The following ANO5 variants were observed in gnomAD, a reference collection of about 807,000 sequenced individuals.
The protein encoded by ANO5 is anoctamin-5.
ANO5 carries 109 observed loss-of-function variants against 121.0 expected under a neutral mutation model. The ratio of observed to expected loss-of-function variants is 0.90; its 90% CI spans 0.77 to 1.06. The LOEUF is 1.06. Ranked by LOEUF, ANO5 falls within the 50% of genes least tolerant of loss-of-function variation. The pLI, the probability that ANO5 is intolerant of heterozygous loss-of-function variation, is 0.00. For missense variants in ANO5, 1,064 were observed against 1,078.5 expected, an observed-to-expected ratio of 0.99 and a Z score of 0.19; for synonymous variants, 406 against 359.9, an observed-to-expected ratio of 1.13 and a Z score of -1.45.
intron 19 of ANO5, among the ~76,000 whole-genome samples, chr11:22,274,248 TA>T (rs1259173344): frequency 6.6e-6 from 1 of 151,708 alleles, no homozygotes; most frequent in Non-Finnish European, 1.5e-5. Flanking sequence ...TTAAAGATAG[TA>T]GAACTGTGCT....
intron 1 of ANO5, among the ~76,000 whole-genome samples, chr11:22,199,453 AAAG>A (rs1452676423): frequency 2.0e-5 from 3 of 152,116 alleles, no homozygotes; most frequent in Non-Finnish European, 4.4e-5. Flanking sequence ...TTCTATTAGC[AAAG>A]AAGGAGGAGG....
At chr11:22,253,644 G>T (rs1181075778) in intron 12 of ANO5, among the ~76,000 whole-genome samples, 1 of 152,162 alleles carries the variant, frequency 6.6e-6, no homozygotes, top group Non-Finnish European at 1.5e-5. Context: ...TAGAGTAGAA[G>T]TTTCTGCCTT....
At chr11:22,214,138 C>G (rs1211516133) in intron 3 of ANO5, among the ~76,000 whole-genome samples, 1 of 151,936 alleles carries the variant, frequency 6.6e-6, no homozygotes, top group Non-Finnish European at 1.5e-5. Flanking sequence ...TTTCTGGGCT[C>G]AAGCAGTCCT....
At chr11:22,272,188 T>TTGAG (rs796131625) in intron 18 of ANO5, among the ~76,000 whole-genome samples, 12 of 152,148 alleles carry the variant, frequency 7.9e-5, no homozygotes, top group African/African-American at 2.9e-4. Context: ...TGGTCCTCTG[T>TTGAG]TGAGTCTTAA....
At position 22,270,354 on chromosome 11, in the gene ANO5, C is replaced by T. The variant is rs376185744; in HGVS notation, c.1941C>T (p.Asn647=). Residue 647 remains asparagine, a synonymous_variant, in exon 18 of 22, where the codon AAC becomes AAT. Coordinates refer to ENST00000324559, the MANE Select transcript of ANO5 (RefSeq NM_213599.3). ...GGAGACGCCGAAAAGCTCGGACAAA[C>T]TCTGAGAAGCTGTATAGTCGATGGG... ...NWWRRRKART[N]SEKLYSRWEQ... 1.9e-6 allele frequency: 3 copies of T among 1,614,144 alleles called. No individual in the cohort carries two copies. Among genetic ancestry groups the T allele is most frequent in the Non-Finnish European group, 2.5e-6 (3 of 1,180,016 alleles).
intron 2 of ANO5, among the ~76,000 whole-genome samples, chr11:22,206,096 A>T (rs1412427844): frequency 6.6e-6 from 1 of 152,124 alleles, no homozygotes; most frequent in African/African-American, 2.4e-5. Flanking sequence ...AGAAAAACAG[A>T]TGCTTCTCAA....
intron 12 of ANO5, among the ~76,000 whole-genome samples, chr11:22,252,765 A>T (rs1271720048): frequency 6.6e-6 from 1 of 151,974 alleles, no homozygotes; most frequent in African/African-American, 2.4e-5. Context: ...ATAATGTAAG[A>T]TGTTCACCTA....
At chr11:22,269,087 CGGAA>C (rs1472198681) in intron 17 of ANO5, among the ~76,000 whole-genome samples, 1 of 125,970 alleles carries the variant, frequency 7.9e-6, no homozygotes, top group Admixed American at 9.6e-5. Context: ...GAAGGAAGGA[CGGAA>C]GGAAGCAAGG....
intron 9 of ANO5, among the ~76,000 whole-genome samples, chr11:22,242,802 T>C (rs896047356): frequency 3.3e-5 from 5 of 151,930 alleles, no homozygotes; most frequent in Non-Finnish European, 5.9e-5. Context: ...AGACTTTTGG[T>C]GGAGTCTTTA....
rs549244658 is a variant in ANO5 at position 22,252,195 on chromosome 11, G to T, written c.1180+1184G>T. Among the ~76,000 whole-genome samples the T allele has an allele frequency of 1.2e-4, 18 of 152,164 alleles. No homozygotes were observed. The South Asian group carries it at 3.7e-3, about 32-fold the overall frequency. Reference sequence around the variant, plus strand: ...AGAGAGCAGCCTAGATTCAAAGAAAGAATAAAGAATCTAGAAATCTTATTA... The same window carrying T: ...AGAGAGCAGCCTAGATTCAAAGAAATAATAAAGAATCTAGAAATCTTATTA... On this transcript the variant is annotated intron_variant, in intron 12 of 21. Transcript: ENST00000324559.
intron 17 of ANO5, among the ~76,000 whole-genome samples, chr11:22,265,518 G>C (rs746829858): frequency 1.3e-5 from 2 of 152,076 alleles, no homozygotes; most frequent in African/African-American, 4.8e-5. Context: ...GGTTAGCACA[G>C]AATTTGTTAG....
In ANO5 at chr11:22,262,265, C is replaced by T. The variant is rs188150039; in HGVS notation, c.1767C>T (p.Tyr589=). The T allele has an allele frequency of 4.3e-6, 7 of 1,613,756 alleles. No homozygotes were observed. Among genetic ancestry groups the T allele is most frequent in the Non-Finnish European group, 5.9e-6 (7 of 1,179,906 alleles). The change falls in exon 16 of 22, where the codon TAC becomes TAT. Residue 589 remains tyrosine, a synonymous_variant. Coordinates refer to ENST00000324559, the MANE Select transcript of ANO5 (RefSeq NM_213599.3). ...AGTTCGTAGGCTATCCTGGAAAATA[C>T]ACATATTTATTTAATGAGTGGAGAA... ...KGKFVGYPGK[Y]TYLFNEWRSE...
chr11:22,256,559 G>A (rs568912276), intron 13 of ANO5, among the ~76,000 whole-genome samples: 57 of 152,016 alleles, frequency 3.7e-4, no homozygotes, highest in African/African-American at 1.3e-3. Context: ...CCTATTTCAC[G>A]AAATAAAAAA....
At chr11:22,265,551 G>A (rs1854329756) in intron 17 of ANO5, among the ~76,000 whole-genome samples, 1 of 152,020 alleles carries the variant, frequency 6.6e-6, no homozygotes, top group African/African-American at 2.4e-5. Flanking sequence ...GAAATTATTT[G>A]GTAGACTCTA....
At chr11:22,246,954 C>T (rs1200797100) in intron 9 of ANO5, among the ~76,000 whole-genome samples, 1 of 150,262 alleles carries the variant, frequency 6.7e-6, no homozygotes, top group Non-Finnish European at 1.5e-5. Context: ...CTTTATTAAG[C>T]ATCACTACAT....
intron 1 of ANO5, 63 bp from the exon 2 acceptor site, chr11:22,203,741 C>A (rs1209004570): frequency 5.7e-6 from 6 of 1,050,746 alleles, no homozygotes; most frequent in Non-Finnish European, 8.6e-6. Flanking sequence ...CTTACACAGA[C>A]TTTTGAATAT....
chr11:22,227,385 C>A lies in ANO5; in HGVS notation c.447C>A (p.Ile149=). The A allele has an allele frequency of 6.2e-7, 1 of 1,613,422 alleles. No homozygotes were observed. Among genetic ancestry groups the A allele is most frequent in the South Asian group, 1.1e-5 (1 of 91,052 alleles). The change falls in exon 7 of 22, where the codon ATC becomes ATA. Residue 149 remains isoleucine (I), a synonymous_variant. Coordinates refer to ENST00000324559, the MANE Select transcript of ANO5 (RefSeq NM_213599.3). ...TTACCTATGCTGAAGTCTTGGGAAT[C>A]AAAATGCCTATTAAGGAGAGTGATA... ...VLVTYAEVLG[I]KMPIKESDIP... is the part of the protein sequence containing the mutation.
chr11:22,208,330 A>T (rs904104457), intron 2 of ANO5, among the ~76,000 whole-genome samples: 1 of 152,076 alleles, frequency 6.6e-6, no homozygotes, highest in African/African-American at 2.4e-5. Context: ...CAGCCTTATC[A>T]TGTAAAACTA....
chr11:22,230,729 C>A (rs1437018426), intron 7 of ANO5, among the ~76,000 whole-genome samples: 1 of 151,844 alleles, frequency 6.6e-6, no homozygotes, highest in Non-Finnish European at 1.5e-5. Flanking sequence ...GGGTCCTCTC[C>A]TAAGTATCCC....
Sources: allele counts gnomAD v4.1 joint callset (sites outside exome capture counted in the v4.1 genomes callset), GRCh38; gene constraint gnomAD v4.1.1; transcripts MANE v1.5; gene names NCBI Gene and HGNC (gene_info 2026-07-23, HGNC 2026-07-21).